The following CASP10 variants were observed in gnomAD, a reference collection of about 807,000 sequenced individuals.
The protein encoded by CASP10 is caspase-10.
A neutral mutation model predicts 48.5 loss-of-function variants in CASP10; 41 were observed. The ratio of observed to expected loss-of-function variants is 0.85; its 90% CI spans 0.66 to 1.10. The LOEUF (loss-of-function observed/expected upper bound fraction) is 1.10. CASP10 is among the 50% of genes least tolerant of loss of function. CASP10 has a pLI of 0.00. For missense variants in CASP10, 614 were observed against 614.5 expected, an observed-to-expected ratio of 1.00 and a Z score of 0.01; for synonymous variants, 232 against 238.4, an observed-to-expected ratio of 0.97 and a Z score of 0.25.
At chr2:201,201,610 A>G (rs898599857) in intron 5 of CASP10, among the ~76,000 whole-genome samples, 3 of 150,470 alleles carry the variant, frequency 2.0e-5, no homozygotes, top group African/African-American at 7.4e-5. Flanking sequence ...GCCACGGCAC[A>G]TGCAGTAGGG....
At chr2:201,183,856 CTTTATTTATTTATTTA>C (rs71022352) in intron 1 of CASP10, among the ~76,000 whole-genome samples, 7 of 149,332 alleles carry the variant, frequency 4.7e-5, no homozygotes, top group African/African-American at 1.2e-4. Context: ...GTCTTCCTTC[CTTTATTTATTTATTTA>C]TTTATTTATT....
At chr2:201,213,381 G>A (rs370457952) in intron 9 of CASP10, 1 of 152,178 alleles carries the variant, frequency 6.6e-6, no homozygotes, top group Non-Finnish European at 1.5e-5. Flanking sequence ...TGTAAAGGAA[G>A]GTTTAATGCT....
Position 201,187,710 on chromosome 2 carries a change from C to T in CASP10, c.352C>T (p.Leu118=), listed in dbSNP as rs770584201. ...TRQRVSLFRN[L]LYELSEGIDS... ...CATTTTGGGTGTGTGTCTTAGAAAC[C>T]TGCTCTACGAACTGTCAGAAGGCAT... The change falls in exon 3 of 10, where the codon CTG becomes TTG. Residue 118 remains leucine (L), a synonymous_variant. Transcript: ENST00000286186. The T allele has an allele frequency of 8.7e-6, 14 of 1,613,068 alleles. No individual in the cohort carries two copies. In the South Asian group the frequency reaches 1.1e-4, roughly 13 times the overall value.
intron 9 of CASP10, among the ~76,000 whole-genome samples, chr2:201,228,492 C>T (rs1945817969): frequency 6.6e-6 from 1 of 152,208 alleles, no homozygotes. Context: ...TGGCCTGGGG[C>T]TTCTTGCTGC....
chr2:201,209,583 T>C (rs916296186), intron 9 of CASP10, 21 bp downstream of exon 9: 1 of 1,593,282 alleles, frequency 6.3e-7, no homozygotes, highest in African/African-American at 1.4e-5. Flanking sequence ...TTTTTTTTCT[T>C]CCATTTGTAA....
chr2:201,190,726 G>A (rs956232271), intron 3 of CASP10, among the ~76,000 whole-genome samples: 8 of 152,116 alleles, frequency 5.3e-5, no homozygotes, highest in Admixed American at 3.9e-4. Flanking sequence ...ATTTGTTAAA[G>A]CAATCTCTGA....
chr2:201,207,892 A>G (rs146783831), intron 7 of CASP10, among the ~76,000 whole-genome samples, 183 bp from the exon 8 acceptor site: 1 of 152,234 alleles, frequency 6.6e-6, no homozygotes, highest in East Asian at 1.9e-4. Context: ...GTGAGACTCC[A>G]TCTCAAAACA....
chr2:201,208,401 T>C, intron 8 of CASP10: 5 of 984,704 alleles, frequency 5.1e-6, no homozygotes, highest in Non-Finnish European at 3.6e-6. Context: ...GAGCATGTAC[T>C]GGGGGAGAGC....
At chr2:201,187,052 C>G (rs556271621) in intron 2 of CASP10, among the ~76,000 whole-genome samples, 5 of 152,214 alleles carry the variant, frequency 3.3e-5, no homozygotes, top group Admixed American at 2.0e-4. Flanking sequence ...CGAAGAGGAG[C>G]CTTTGGAGGG....
rs1944677080 is a variant in CASP10, at chr2:201,193,354, C to G, written c.577+235C>G. On this transcript the variant is annotated intron_variant, in intron 4 of 9. Transcript: ENST00000286186. ...TCCCGAGTAGCTGGGATTACAGGAGCCTGCCACCACGCCTGGCTAATTTTT... is the reference window on the plus strand; with the variant it reads ...TCCCGAGTAGCTGGGATTACAGGAGGCTGCCACCACGCCTGGCTAATTTTT... The G allele has an allele frequency of 1.0e-5, 4 of 395,780 alleles. No homozygotes were observed. In the Admixed American group the frequency reaches 1.1e-4, roughly 11 times the overall value. 24.5% of individuals were successfully genotyped at this position (395,780 alleles called of 1,614,324 possible). A position where few individuals can be genotyped will look rare whatever the true frequency, so the allele number is the denominator to read the frequency against.
Position 201,219,857 on chromosome 2 carries a change from G to A in CASP10, c.*2116G>A. ...TATAGATGAGGCAGCTGAGGCCTGG[G>A]GATGTGAACAACCTGCTCACAGTCC... On this transcript the variant is annotated 3_prime_UTR_variant, in exon 10 of 10. Coordinates refer to ENST00000286186, the MANE Select transcript of CASP10 (RefSeq NM_032977.4). 1.0e-6 allele frequency: 1 copy of A among 985,342 alleles called. No homozygotes were observed. The highest frequency in any genetic ancestry group is 1.2e-6 in the Non-Finnish European group (1 of 829,916). The allele number at this position is 985,342 out of a possible 1,614,324, so 61.0% of individuals were successfully genotyped here. A position where few individuals can be genotyped will look rare whatever the true frequency, so the allele number is the denominator to read the frequency against.
intron 1 of CASP10, among the ~76,000 whole-genome samples, chr2:201,184,747 TC>T (rs1315818267): frequency 2.0e-5 from 3 of 152,316 alleles, no homozygotes; most frequent in Admixed American, 2.0e-4. Flanking sequence ...ACTGCATTGC[TC>T]CTCTGATTAT....
At chr2:201,197,070 C>T (rs911950680) in intron 5 of CASP10, among the ~76,000 whole-genome samples, 8 of 152,102 alleles carry the variant, frequency 5.3e-5, no homozygotes, top group Middle Eastern at 3.2e-3. Context: ...AGTAAGTCCT[C>T]ACTTAAAAGG....
intron 9 of CASP10, among the ~76,000 whole-genome samples, chr2:201,215,174 A>G (rs1017038957): frequency 3.6e-5 from 5 of 139,782 alleles, no homozygotes; most frequent in Admixed American, 2.8e-4. Context: ...ATAATTTGCA[A>G]ATTTTTTTCC....
At chr2:201,221,812 G>C (rs959566685), downstream of CASP10, 1 of 152,200 alleles carries the variant, frequency 6.6e-6, no homozygotes, top group Non-Finnish European at 1.5e-5. Context: ...TTAAATTCTA[G>C]AATCAGGAAA....
intron 1 of CASP10, among the ~76,000 whole-genome samples, chr2:201,183,858 TTATTTATTTATTTA>T: frequency 2.9e-5 from 1 of 33,926 alleles, no homozygotes; most frequent in African/African-American, 2.2e-4. Context: ...CTTCCTTCCT[TTATTTATTTATTTA>T]TTTATTTATT....
chr2:201,205,580 C>G (rs1387233455), intron 6 of CASP10, among the ~76,000 whole-genome samples: 1 of 152,128 alleles, frequency 6.6e-6, no homozygotes, highest in African/African-American at 2.4e-5. Flanking sequence ...CTCTTTATAT[C>G]CAGTGACATA....
At chr2:201,225,789 T>C (rs1945780591), downstream of CASP10, among the ~76,000 whole-genome samples, 1 of 152,154 alleles carries the variant, frequency 6.6e-6, no homozygotes, top group Admixed American at 6.5e-5. Context: ...CTGGCCAACT[T>C]GGTGAAACCT....
Position 201,183,284 on chromosome 2 carries a change from A to G in CASP10, c.-32A>G, listed in dbSNP as rs1944293392. Reference sequence around the variant, plus strand: ...TTCCCTGAGAACCGTTTACTTCCAGAAGATTGGTGGAGCTTGATCTGAAGG... The same window carrying G: ...TTCCCTGAGAACCGTTTACTTCCAGGAGATTGGTGGAGCTTGATCTGAAGG... On this transcript the variant is annotated 5_prime_UTR_variant, in exon 1 of 10. Transcript: ENST00000286186. 2.0e-5 allele frequency: 3 copies of G among 152,192 alleles called. No homozygotes were observed. Among genetic ancestry groups the G allele is most frequent in the Non-Finnish European group, 4.4e-5 (3 of 68,020 alleles). 9.4% of individuals were successfully genotyped at this position (152,192 alleles called of 1,614,324 possible).
Sources: gnomAD v4.1 joint callset for allele counts (sites outside exome capture counted in the v4.1 genomes callset) on GRCh38, gnomAD v4.1.1 for gene constraint, MANE v1.5 for transcripts, NCBI Gene and HGNC (gene_info 2026-07-23, HGNC 2026-07-21) for gene names.